MAN1A2: variants seen among roughly 807,000 people sequenced by gnomAD.
MAN1A2 encodes the protein mannosidase alpha class 1A member 2, also known as mannosyl-oligosaccharide 1,2-alpha-mannosidase IB.
MAN1A2 carries 26 observed loss-of-function variants against 75.7 expected under a neutral mutation model. That is an observed-to-expected ratio of 0.34 (90% CI 0.25 to 0.48). The LOEUF (loss-of-function observed/expected upper bound fraction) is 0.48, where lower values mean the gene tolerates loss of function less well. MAN1A2 is among the 20% of genes least tolerant of loss of function. MAN1A2 has a pLI of 0.99. For synonymous variants in MAN1A2, 247 were observed against 264.6 expected (o/e 0.93, Z 0.65); for missense variants, 562 against 775.5 (o/e 0.72, Z 3.27).
chr1:117,523,189 T>C lies in MAN1A2; in HGVS notation c.*232T>C. ...TGTAGGACAGAGACCTGGATGTGCT[T>C]TGATCGTTAATGAGGTGGTCACATG... On this transcript the variant is annotated 3_prime_UTR_variant, in exon 13 of 13. Transcript: ENST00000356554. 3 of 645,102 alleles carry C rather than the reference T, an allele frequency of 4.7e-6. No individual in the cohort carries two copies. Among genetic ancestry groups the C allele is most frequent in the Admixed American group, 4.2e-5 (2 of 47,552 alleles). 40.0% of individuals were successfully genotyped at this position (645,102 alleles called of 1,614,324 possible). A position where few individuals can be genotyped will look rare whatever the true frequency, so the allele number is the denominator to read the frequency against.
chr1:117,402,611 TA>T (rs1052706475), intron 2 of MAN1A2, among the ~76,000 whole-genome samples, 170 bp downstream of exon 2: 38 of 152,034 alleles, frequency 2.5e-4, no homozygotes, highest in African/African-American at 8.7e-4. Context: ...TTTTTTTTTT[TA>T]ATGTTAATTA....
At chr1:117,461,181 C>T (rs1245676942) in intron 7 of MAN1A2, among the ~76,000 whole-genome samples, 4 of 151,982 alleles carry the variant, frequency 2.6e-5, no homozygotes, top group Non-Finnish European at 5.9e-5. Context: ...ACAAATAAAT[C>T]TAACAAAAGA....
At chr1:117,463,978 A>C (rs1363290705) in intron 7 of MAN1A2, among the ~76,000 whole-genome samples, 1 of 152,198 alleles carries the variant, frequency 6.6e-6, no homozygotes, top group Non-Finnish European at 1.5e-5. Context: ...AGAGATTAAA[A>C]AGATAATAGA....
At chr1:117,468,724 G>C (rs1227110295) in intron 8 of MAN1A2, among the ~76,000 whole-genome samples, 1 of 152,108 alleles carries the variant, frequency 6.6e-6, no homozygotes, top group Non-Finnish European at 1.5e-5. Context: ...GGCCTGTCCA[G>C]ATATAGTATA....
At chr1:117,370,474 C>G (rs1311742161) in intron 1 of MAN1A2, among the ~76,000 whole-genome samples, 1 of 152,098 alleles carries the variant, frequency 6.6e-6, no homozygotes, top group East Asian at 1.9e-4. Context: ...TTTGCTTTAG[C>G]GTATTATTTG....
intron 3 of MAN1A2, among the ~76,000 whole-genome samples, chr1:117,412,620 A>C (rs1314985762): frequency 6.6e-6 from 1 of 151,768 alleles, no homozygotes; most frequent in Admixed American, 6.6e-5. Context: ...GAACTGCTTT[A>C]GTTGATTCAC....
chr1:117,460,769 C>T (rs1649792152), intron 7 of MAN1A2, among the ~76,000 whole-genome samples, 157 bp downstream of exon 7: 1 of 152,108 alleles, frequency 6.6e-6, no homozygotes. Flanking sequence ...AAAGAAATGT[C>T]CTTTCTATTT....
chr1:117,507,941 G>T (rs772318149), intron 12 of MAN1A2, among the ~76,000 whole-genome samples: 3 of 151,688 alleles, frequency 2.0e-5, no homozygotes, highest in Non-Finnish European at 4.4e-5. Context: ...AGAATTGCGA[G>T]GAAATTAGCA....
intron 1 of MAN1A2, among the ~76,000 whole-genome samples, chr1:117,388,065 A>C (rs976889201): frequency 1.3e-5 from 2 of 151,164 alleles, no homozygotes; most frequent in African/African-American, 2.4e-5. Context: ...GGACACAAAC[A>C]TTTACTCTAT....
At chr1:117,416,155 T>C (rs1426324342) in intron 4 of MAN1A2, among the ~76,000 whole-genome samples, 1 of 152,148 alleles carries the variant, frequency 6.6e-6, no homozygotes, top group Non-Finnish European at 1.5e-5. Flanking sequence ...TAGGCCACTA[T>C]TAGTTGATCC....
chr1:117,468,460 A>G (rs1650045842), intron 8 of MAN1A2, among the ~76,000 whole-genome samples: 1 of 152,170 alleles, frequency 6.6e-6, no homozygotes, highest in African/African-American at 2.4e-5. Flanking sequence ...TTTGGAAGCA[A>G]TCTAAAGCAG....
rs767896719 is a variant in MAN1A2 at position 117,525,480 on chromosome 1, T to C, written c.*2523T>C. ...CTTTCTTCTGTCTTTTACAGCTCTT[T>C]GCATTTTGTAGACCTTAATACTCAG... On this transcript the variant is annotated 3_prime_UTR_variant, in exon 13 of 13. Coordinates refer to ENST00000356554, the MANE Select transcript of MAN1A2 (RefSeq NM_006699.5). 96 of 175,816 alleles carry C rather than the reference T, an allele frequency of 5.5e-4. No individual in the cohort carries two copies. The highest frequency in any genetic ancestry group is 1.1e-3 in the Non-Finnish European group (88 of 81,146). The allele number at this position is 175,816 out of a possible 1,614,324, so 10.9% of individuals were successfully genotyped here.
Position 117,466,315 on chromosome 1 carries a change from T to G in MAN1A2, c.1075-19T>G, listed in dbSNP as rs747799521. Reference sequence around the variant, plus strand: ...ACACTTATTTTTATTAATTGCATTCTTAATTTTATTTTACTCAGGTTATGC... The same window carrying G: ...ACACTTATTTTTATTAATTGCATTCGTAATTTTATTTTACTCAGGTTATGC... On this transcript the variant is annotated intron_variant, in intron 7 of 12. Coordinates refer to ENST00000356554, the MANE Select transcript of MAN1A2 (RefSeq NM_006699.5). 2.6e-6 allele frequency: 4 copies of G among 1,510,276 alleles called. No individual in the cohort carries two copies. The South Asian group carries it at 3.5e-5, about 13-fold the overall frequency. The allele number at this position is 1,510,276 out of a possible 1,614,324, so 93.6% of individuals were successfully genotyped here.
chr1:117,436,232 A>C (rs1312160215), intron 5 of MAN1A2, among the ~76,000 whole-genome samples: 1 of 152,198 alleles, frequency 6.6e-6, no homozygotes, highest in Non-Finnish European at 1.5e-5. Flanking sequence ...GGTGGCTCCT[A>C]CAGGAAGCAA....
At chr1:117,456,746 C>G in intron 6 of MAN1A2, among the ~76,000 whole-genome samples, 1 of 151,962 alleles carries the variant, frequency 6.6e-6, no homozygotes, top group South Asian at 2.1e-4. Context: ...AGAATACCTT[C>G]CACAAATCTG....
chr1:117,417,119 T>C (rs1648018725), intron 4 of MAN1A2, among the ~76,000 whole-genome samples: 1 of 152,172 alleles, frequency 6.6e-6, no homozygotes, highest in African/African-American at 2.4e-5. Context: ...AATGCATTTG[T>C]GTAGTTCCAA....
At chr1:117,414,059 T>A (rs528713590) in intron 3 of MAN1A2, among the ~76,000 whole-genome samples, 23 of 151,966 alleles carry the variant, frequency 1.5e-4, no homozygotes, top group Non-Finnish European at 2.7e-4. Context: ...CCTCAGAACA[T>A]TTTTTTAATG....
intron 1 of MAN1A2, among the ~76,000 whole-genome samples, chr1:117,370,904 A>G (rs1051822137): frequency 5.3e-5 from 8 of 152,188 alleles, no homozygotes; most frequent in Non-Finnish European, 1.2e-4. Flanking sequence ...ATAGATTAGT[A>G]TAATAATTTG....
intron 1 of MAN1A2, among the ~76,000 whole-genome samples, chr1:117,374,051 T>C (rs937440063): frequency 1.3e-5 from 2 of 152,244 alleles, no homozygotes; most frequent in Admixed American, 1.3e-4. Flanking sequence ...ATTTAACTTA[T>C]GTGGGAGGTG....
Sources: allele counts gnomAD v4.1 joint callset (sites outside exome capture counted in the v4.1 genomes callset), GRCh38; gene constraint gnomAD v4.1.1; transcripts MANE v1.5; gene names NCBI Gene and HGNC (gene_info 2026-07-23, HGNC 2026-07-21).